The following USP26 variants were observed in gnomAD, a reference collection of about 807,000 sequenced individuals.
USP26 encodes the protein ubiquitin carboxyl-terminal hydrolase 26.
For synonymous variants in USP26, 236 were observed against 240.6 expected, an observed-to-expected ratio of 0.98 and a Z score of 0.18; for missense variants, 649 against 642.3, an observed-to-expected ratio of 1.01 and a Z score of -0.11.
At chrX:133,046,244 G>A (rs750441633) in intron 5 of USP26, among the ~76,000 whole-genome samples, 86 of 112,001 alleles carry the variant, frequency 7.7e-4, no homozygotes, top group Non-Finnish European at 1.1e-3. Flanking sequence ...ATTCTTCAAT[G>A]CATCTTCAGC....
At chrX:133,048,633 G>A (rs1001794195) in intron 5 of USP26, among the ~76,000 whole-genome samples, 3 of 108,611 alleles carry the variant, frequency 2.8e-5, no homozygotes, top group East Asian at 2.9e-4. Context: ...TGCAAGCTCC[G>A]CCTCCCGGGT....
rs1329030325 is a variant in USP26, at chrX:133,025,170, T to C, written c.*309A>G. On this transcript the variant is annotated 3_prime_UTR_variant, in exon 6 of 6. Coordinates refer to ENST00000511190, the MANE Select transcript of USP26 (RefSeq NM_031907.3). ...GGAGTTTGAGGCTGCAGTGAGTTAT[T>C]ATTGAAGGACTGCACTCTAGCCAGG... 5 of 279,560 alleles carry C rather than the reference T, an allele frequency of 1.8e-5. No homozygotes were observed. The highest frequency in any genetic ancestry group is 6.3e-5 in the South Asian group (1 of 15,753). 23.0% of individuals were successfully genotyped at this position (279,560 alleles called of 1,213,427 possible).
In USP26 at chrX:133,027,487, C is replaced by T; in HGVS notation, c.734G>A (p.Gly245Glu). The T allele has an allele frequency of 8.3e-7, 1 of 1,211,038 alleles. No homozygotes were observed. The highest frequency in any genetic ancestry group is 1.1e-6 in the Non-Finnish European group (1 of 894,916). The change falls in exon 6 of 6, where the codon GGA (glycine) becomes GAA (glutamate). Residue 245 changes from glycine (G) to glutamate (E), a missense_variant. Transcript: ENST00000511190. ...CESSCIMNAT[G>E]NPYLDDIGLL... is the part of the protein sequence containing the mutation. ...ACCAATGTCATCTAGGTAAGGATTT[C>T]CAGTGGCGTTCATGATGCATGAAGA...
chrX:133,064,346 C>T (rs2067504297), intron 5 of USP26, among the ~76,000 whole-genome samples: 1 of 111,727 alleles, frequency 9.0e-6, no homozygotes, highest in Non-Finnish European at 1.9e-5. Context: ...CACGGATATT[C>T]AGGACTTGAA....
At chrX:133,060,135 A>G (rs113776924) in intron 5 of USP26, among the ~76,000 whole-genome samples, 3,874 of 111,639 alleles carry the variant, frequency 0.035, 100 homozygotes, top group East Asian at 0.1. Flanking sequence ...GTGTATGAGA[A>G]TAGTTTTTAT....
intron 5 of USP26, among the ~76,000 whole-genome samples, chrX:133,078,206 C>G (rs2067557214): frequency 9.0e-6 from 1 of 111,443 alleles, no homozygotes; most frequent in South Asian, 3.8e-4. Context: ...TGAGGCCTCA[C>G]CAGAAGCCAA....
intron 5 of USP26, among the ~76,000 whole-genome samples, chrX:133,040,713 A>G (rs1446281132): frequency 3.6e-5 from 4 of 110,980 alleles, no homozygotes; most frequent in Non-Finnish European, 7.5e-5. Flanking sequence ...TATTCTCTGT[A>G]TTTCCTGAAT....
At chrX:133,077,664 C>T (rs916657514) in intron 5 of USP26, among the ~76,000 whole-genome samples, 3 of 111,627 alleles carry the variant, frequency 2.7e-5, no homozygotes, top group Non-Finnish European at 5.6e-5. Context: ...GAAATATGAC[C>T]GATAATGTTG....
rs754295792 is a variant in USP26, at chrX:133,026,437, T to C, written c.1784A>G (p.Lys595Arg). 8.3e-7 allele frequency: 1 copy of C among 1,208,716 alleles called. No individual in the cohort carries two copies. Among genetic ancestry groups the C allele is most frequent in the East Asian group, 3.0e-5 (1 of 33,695 alleles). The change falls in exon 6 of 6, where the codon AAA (lysine) becomes AGA (arginine). Residue 595 changes from lysine (K) to arginine (R), a missense_variant. By Grantham distance (26) the Lys-to-Arg change is conservative. Transcript: ENST00000511190. ...TCCAATGTGTGGAGCCAGGATATCT[T>C]TGGATTCCTTTGTTGCAGGCCATGA... ...SVSWPATKES[K>R]DILAPHIGSD... is the part of the protein sequence containing the mutation.
chrX:133,062,728 C>T (rs1432985383), intron 5 of USP26, among the ~76,000 whole-genome samples: 1 of 109,253 alleles, frequency 9.2e-6, no homozygotes, highest in African/African-American at 3.3e-5. Context: ...CAAAAAGGAC[C>T]CCCCCGCCAC....
intron 5 of USP26, among the ~76,000 whole-genome samples, chrX:133,041,706 A>T (rs907795421): frequency 8.9e-6 from 1 of 112,510 alleles, no homozygotes; most frequent in African/African-American, 3.2e-5. Flanking sequence ...TCTGTCCCTT[A>T]GCAGAGCTGG....
chrX:133,065,644 A>G (rs1328891761), intron 5 of USP26, among the ~76,000 whole-genome samples: 1 of 112,243 alleles, frequency 8.9e-6, no homozygotes, highest in Non-Finnish European at 1.9e-5. Flanking sequence ...ATCTCAATGG[A>G]TGCAGAAAAG....
At chrX:133,033,229 T>C (rs781409106) in intron 5 of USP26, among the ~76,000 whole-genome samples, 5 of 112,111 alleles carry the variant, frequency 4.5e-5, no homozygotes, top group African/African-American at 1.6e-4. Flanking sequence ...CCAGCTTCAG[T>C]GTGCATGGCT....
Position 133,057,866 on chromosome X carries a change from A to ATTTTTTTTTTTTT in USP26, c.-77+25828_-77+25840dup, listed in dbSNP as rs59814007. ...ACATTATATATATATATATATATAT[A>ATTTTTTTTTTTTT]TTTTTTTTTTTTTTTTTTTTTTTTT... On this transcript the variant is annotated intron_variant, in intron 5 of 5. Transcript: ENST00000511190. Among the ~76,000 whole-genome samples, 2 of 9,329 alleles carry ATTTTTTTTTTTTT rather than the reference A, an allele frequency of 2.1e-4. 1 individual carries two copies. Among genetic ancestry groups the ATTTTTTTTTTTTT allele is most frequent in the Non-Finnish European group, 3.2e-4 (2 of 6,167 alleles). The allele number at this position is 9,329 out of a possible 115,157, so 8.1% of individuals were successfully genotyped here.
At position 133,060,249 on chromosome X, in the gene USP26, G is replaced by A. The variant is rs781056599; in HGVS notation, c.-77+23458C>T. On this transcript the variant is annotated intron_variant, in intron 5 of 5. Transcript: ENST00000511190. ...ATAATTCCTAATACCCTATGGTTCT[G>A]CTCTGTTGAAATGCATTCTGTTCAG... is the stretch of plus-strand genomic sequence containing the variant. Among the ~76,000 whole-genome samples the A allele has an allele frequency of 8.0e-5, 9 of 112,116 alleles. No individual in the cohort carries two copies. In the South Asian group the frequency reaches 3.3e-3, roughly 42 times the overall value.
intron 1 of USP26, among the ~76,000 whole-genome samples, chrX:133,093,300 A>G (rs2067613961): frequency 9.0e-6 from 1 of 111,238 alleles, no homozygotes. Flanking sequence ...CAAAAAAACA[A>G]AAAGTAAAAT....
intron 5 of USP26, among the ~76,000 whole-genome samples, chrX:133,061,199 A>ATTGG (rs763875928): frequency 2.7e-4 from 30 of 112,116 alleles, no homozygotes; most frequent in Non-Finnish European, 4.3e-4. Context: ...GAATTTATTA[A>ATTGG]TTGGTTGGTT....
At chrX:133,064,214 C>G (rs1569510621) in intron 5 of USP26, among the ~76,000 whole-genome samples, 1 of 111,809 alleles carries the variant, frequency 8.9e-6, no homozygotes, top group Non-Finnish European at 1.9e-5. Context: ...TACAGGAGCA[C>G]CCAGATTCAT....
intron 5 of USP26, among the ~76,000 whole-genome samples, chrX:133,082,454 G>GT (rs1200720344): frequency 3.6e-5 from 4 of 111,769 alleles, no homozygotes; most frequent in African/African-American, 1.3e-4. Flanking sequence ...GTTTTCAGTA[G>GT]TTTTTTCTAC....
Sources: allele counts gnomAD v4.1 joint callset (sites outside exome capture counted in the v4.1 genomes callset), GRCh38; gene constraint gnomAD v4.1.1; transcripts MANE v1.5; gene names NCBI Gene and HGNC (gene_info 2026-07-23, HGNC 2026-07-21).